Variants in CLSTN2 observed in about 807,000 individuals in gnomAD.
CLSTN2 encodes calsyntenin-2.
CLSTN2 carries 48 observed loss-of-function variants against 101.2 expected under a neutral mutation model. That is an observed-to-expected ratio of 0.47 (90% CI 0.38 to 0.60). The LOEUF (loss-of-function observed/expected upper bound fraction) is 0.60, where lower values mean the gene tolerates loss of function less well. Ranked by LOEUF, CLSTN2 falls within the 20% of genes least tolerant of loss-of-function variation. The pLI, the probability that CLSTN2 is intolerant of heterozygous loss-of-function variation, is 0.00. For synonymous variants in CLSTN2, 481 were observed against 463.6 expected (o/e 1.04, Z -0.48); for missense variants, 1,160 against 1,238.2 (o/e 0.94, Z 0.95).
chr3:140,190,909 C>A (rs1223229661), intron 2 of CLSTN2, among the ~76,000 whole-genome samples: 1 of 151,806 alleles, frequency 6.6e-6, no homozygotes, highest in Non-Finnish European at 1.5e-5. Flanking sequence ...GGTTTTATTT[C>A]CTTTTTATTG....
At chr3:140,383,518 A>G (rs1045738044) in intron 2 of CLSTN2, among the ~76,000 whole-genome samples, 1 of 152,244 alleles carries the variant, frequency 6.6e-6, no homozygotes, top group East Asian at 1.9e-4. Context: ...CAATAAAAAC[A>G]TAGGTAATTC....
At chr3:140,106,861 G>A (rs1357750417) in intron 1 of CLSTN2, among the ~76,000 whole-genome samples, 1 of 152,104 alleles carries the variant, frequency 6.6e-6, no homozygotes, top group Non-Finnish European at 1.5e-5. Context: ...AATTATAATT[G>A]TGCCTGTGTG....
intron 8 of CLSTN2, among the ~76,000 whole-genome samples, chr3:140,488,298 T>C (rs1934277878): frequency 6.6e-6 from 1 of 152,204 alleles, no homozygotes; most frequent in Non-Finnish European, 1.5e-5. Context: ...GTCAAAGGAA[T>C]GTAGGCTTTG....
chr3:140,290,062 A>G (rs2086934054), intron 2 of CLSTN2, among the ~76,000 whole-genome samples: 1 of 151,526 alleles, frequency 6.6e-6, no homozygotes, highest in African/African-American at 2.4e-5. Flanking sequence ...TAGAGAAATA[A>G]GGATCAAAAT....
At chr3:140,048,519 C>T (rs1365326361) in intron 1 of CLSTN2, among the ~76,000 whole-genome samples, 3 of 152,324 alleles carry the variant, frequency 2.0e-5, no homozygotes, top group African/African-American at 7.2e-5. Flanking sequence ...TGTCCACATT[C>T]TTTATACACA....
chr3:140,379,148 A>C (rs988919849), intron 2 of CLSTN2, among the ~76,000 whole-genome samples: 2 of 152,230 alleles, frequency 1.3e-5, no homozygotes, highest in Non-Finnish European at 2.9e-5. Flanking sequence ...TTCTGGAAGA[A>C]TGAAGAGGCA....
intron 8 of CLSTN2, among the ~76,000 whole-genome samples, chr3:140,483,007 C>T (rs1934153356): frequency 6.6e-6 from 1 of 152,132 alleles, no homozygotes. Context: ...TTTACTCTTG[C>T]TTCTCCAGTT....
chr3:140,330,499 C>A (rs1389630441), intron 2 of CLSTN2, among the ~76,000 whole-genome samples: 3 of 152,180 alleles, frequency 2.0e-5, no homozygotes, highest in Non-Finnish European at 4.4e-5. Context: ...TTGCCCATAG[C>A]AATAACTAGC....
chr3:140,299,287 G>C (rs12633096), intron 2 of CLSTN2, among the ~76,000 whole-genome samples: 6 of 152,164 alleles, frequency 3.9e-5, no homozygotes, highest in African/African-American at 1.4e-4. Flanking sequence ...GGGCACCCCT[G>C]GTTCCCAGCC....
At chr3:140,232,471 T>C (rs1372339613) in intron 2 of CLSTN2, among the ~76,000 whole-genome samples, 2 of 151,548 alleles carry the variant, frequency 1.3e-5, no homozygotes, top group Non-Finnish European at 2.9e-5. Context: ...CTCTCTGCTC[T>C]TCTTTCCCTA....
chr3:140,013,166 C>T (rs532999481), intron 1 of CLSTN2, among the ~76,000 whole-genome samples: 1 of 152,346 alleles, frequency 6.6e-6, no homozygotes, highest in East Asian at 1.9e-4. Flanking sequence ...GTAGGAAAAC[C>T]AGGTCTCTTC....
intron 2 of CLSTN2, among the ~76,000 whole-genome samples, chr3:140,329,531 A>G (rs1451234003): frequency 6.6e-6 from 1 of 152,208 alleles, no homozygotes. Flanking sequence ...TCACAGAACA[A>G]ACTCTAACCC....
At chr3:139,996,706 G>A (rs1468685148) in intron 1 of CLSTN2, among the ~76,000 whole-genome samples, 3 of 152,094 alleles carry the variant, frequency 2.0e-5, no homozygotes, top group Admixed American at 1.3e-4. Flanking sequence ...TCAAGGCTTA[G>A]CATTTCTTCA....
intron 1 of CLSTN2, among the ~76,000 whole-genome samples, chr3:140,174,221 A>G (rs1237312407): frequency 6.6e-6 from 1 of 152,160 alleles, no homozygotes. Context: ...ACAAGTGTCT[A>G]GGGCAGGGGC....
intron 2 of CLSTN2, among the ~76,000 whole-genome samples, chr3:140,240,303 T>TACAC (rs10663002): frequency 0.011 from 1,538 of 141,732 alleles, 29 homozygotes; most frequent in African/African-American, 0.033. Flanking sequence ...CATATATATA[T>TACAC]ATACACACAC....
At chr3:140,172,196 T>G (rs971044129) in intron 1 of CLSTN2, among the ~76,000 whole-genome samples, 3 of 146,514 alleles carry the variant, frequency 2.0e-5, no homozygotes, top group African/African-American at 7.5e-5. Flanking sequence ...ATGTACCTAC[T>G]CTATATCCAG....
chr3:140,055,378 C>A (rs1321637920), intron 1 of CLSTN2, among the ~76,000 whole-genome samples: 6 of 152,274 alleles, frequency 3.9e-5, no homozygotes, highest in Admixed American at 2.6e-4. Flanking sequence ...TTAAGCAGAT[C>A]TTTGGAGGTA....
intron 2 of CLSTN2, among the ~76,000 whole-genome samples, chr3:140,311,974 T>C (rs2087173364): frequency 1.3e-5 from 2 of 152,226 alleles, no homozygotes; most frequent in Non-Finnish European, 2.9e-5. Context: ...GTTCTTCAAT[T>C]CTCATTAGAG....
intron 2 of CLSTN2, among the ~76,000 whole-genome samples, chr3:140,269,340 A>G (rs1430873574): frequency 6.6e-6 from 1 of 152,198 alleles, no homozygotes; most frequent in Admixed American, 6.5e-5. Context: ...CGAGCTGAAC[A>G]TTTGCATTAA....
Sources: allele counts gnomAD v4.1 joint callset (sites outside exome capture counted in the v4.1 genomes callset), GRCh38; gene constraint gnomAD v4.1.1; transcripts MANE v1.5; gene names NCBI Gene and HGNC (gene_info 2026-07-23, HGNC 2026-07-21).